Variants in TG observed in about 807,000 individuals in gnomAD.
TG encodes the protein thyroid hormones.
TG carries 270 observed loss-of-function variants against 324.7 expected under a neutral mutation model. That is an observed-to-expected ratio of 0.83 (90% CI 0.75 to 0.92). The LOEUF (loss-of-function observed/expected upper bound fraction) is 0.92, where lower values mean the gene tolerates loss of function less well. TG is among the 40% of genes least tolerant of loss of function. The pLI is 0.00. For missense variants in TG, 3,591 were observed against 3,456.4 expected (o/e 1.04, Z -0.98); for synonymous variants, 1,401 against 1,327.0 (o/e 1.06, Z -1.21).
chr8:132,867,788 C>T (rs369441733), intron 1 of TG, among the ~76,000 whole-genome samples: 37 of 101,472 alleles, frequency 3.6e-4, no homozygotes, highest in South Asian at 1.5e-3. Flanking sequence ...AGGGTGGGGG[C>T]GGGCGGGGAA....
intron 32 of TG, among the ~76,000 whole-genome samples, chr8:132,971,431 C>G (rs1829507957): frequency 6.6e-6 from 1 of 152,126 alleles, no homozygotes; most frequent in African/African-American, 2.4e-5. Flanking sequence ...TTTATTTTCC[C>G]AGTGTCCAAA....
chr8:132,887,186 C>T lies in TG; in HGVS notation c.1814C>T (p.Ser605Phe). The change falls in exon 9 of 48, where the codon TCC becomes TTC. Residue 605 changes from serine (S) to phenylalanine (F), a missense_variant. Physicochemically the swap from Ser to Phe is radical, Grantham distance 155. Transcript: ENST00000220616. The part of the protein sequence containing the change: ...LGDVMETVLS[S>F]QTCEQTPERL... ...GATGTGATGGAAACGGTACTCAGCT[C>T]CCAGACCTGTGAGCAGACACCTGAA... The T allele has an allele frequency of 6.2e-7, 1 of 1,613,762 alleles. No homozygotes were observed. The highest frequency in any genetic ancestry group is 8.5e-7 in the Non-Finnish European group (1 of 1,179,742).
At chr8:133,048,176 C>T (rs1232686178) in intron 41 of TG, among the ~76,000 whole-genome samples, 1 of 152,140 alleles carries the variant, frequency 6.6e-6, no homozygotes, top group Non-Finnish European at 1.5e-5. Context: ...TCTGGGACAT[C>T]CAATTCCATA....
At chr8:132,933,750 C>T (rs966318551) in intron 24 of TG, 74 bp downstream of exon 24, 3 of 1,328,148 alleles carry the variant, frequency 2.3e-6, no homozygotes, top group African/African-American at 1.4e-5. Flanking sequence ...GAGCGGGCAG[C>T]AGGCTGGCCA....
chr8:133,111,621 G>A (rs1850253067), intron 43 of TG, among the ~76,000 whole-genome samples: 1 of 152,192 alleles, frequency 6.6e-6, no homozygotes, highest in Non-Finnish European at 1.5e-5. Context: ...ACTCTCAGAT[G>A]CGTTGTAGAT....
At chr8:133,046,276 A>G (rs1440744049) in intron 41 of TG, among the ~76,000 whole-genome samples, 3 of 152,234 alleles carry the variant, frequency 2.0e-5, no homozygotes, top group East Asian at 3.9e-4. Context: ...TGAAATCTCT[A>G]TTAATTCTCA....
chr8:133,105,940 G>C (rs1014727339), intron 43 of TG, among the ~76,000 whole-genome samples: 1 of 152,164 alleles, frequency 6.6e-6, no homozygotes, highest in African/African-American at 2.4e-5. Flanking sequence ...ATGGCCATAT[G>C]GTAAAGAGGC....
chr8:132,917,889 A>ATTTTTTTTTTT (rs71299038), intron 20 of TG, among the ~76,000 whole-genome samples: 641 of 138,752 alleles, frequency 4.6e-3, no homozygotes, highest in Middle Eastern at 0.012. Flanking sequence ...GGTTTTTGCA[A>ATTTTTTTTTTT]TTTTTTTTTT....
intron 15 of TG, 148 bp from the exon 16 acceptor site, chr8:132,901,205 C>T: frequency 1.2e-6 from 1 of 837,450 alleles, no homozygotes; most frequent in South Asian, 1.5e-5. Flanking sequence ...GTCATTCAAC[C>T]TCCTGGTGGG....
intron 41 of TG, chr8:133,063,648 C>G (rs1313709015): frequency 6.6e-6 from 1 of 152,200 alleles, no homozygotes; most frequent in Non-Finnish European, 1.5e-5. Context: ...TAACAGTCTT[C>G]TCTGCTGTTG....
Position 132,967,596 on chromosome 8 carries a change from A to G in TG, c.5687-198A>G, listed in dbSNP as rs964391759. Among the ~76,000 whole-genome samples the G allele has an allele frequency of 3.3e-5, 5 of 152,170 alleles. No homozygotes were observed. The East Asian group carries it at 9.7e-4, about 29-fold the overall frequency. ...CAACTCTGCCTTTATTCAGGAGCAC[A>G]CGGCCCCCTCCCCAGCTAGCAGAAC... is the stretch of plus-strand genomic sequence containing the variant. On this transcript the variant is annotated intron_variant, in intron 30 of 47. Coordinates refer to ENST00000220616, the MANE Select transcript of TG (RefSeq NM_003235.5).
At chr8:133,057,797 A>C (rs1841734105) in intron 41 of TG, among the ~76,000 whole-genome samples, 1 of 151,968 alleles carries the variant, frequency 6.6e-6, no homozygotes, top group Admixed American at 6.6e-5. Context: ...ACAAAAAAAC[A>C]GATGGGTAAA....
At chr8:132,979,167 C>T (rs951452) in intron 34 of TG, among the ~76,000 whole-genome samples, 91,526 of 151,876 alleles carry the variant, frequency 0.6, 28,868 homozygotes, top group African/African-American at 0.74. Flanking sequence ...GAATAAGGGG[C>T]TGCTCTGTGG....
chr8:132,957,648 G>A (rs952477553), intron 27 of TG, among the ~76,000 whole-genome samples: 1 of 151,622 alleles, frequency 6.6e-6, no homozygotes, highest in African/African-American at 2.4e-5. Context: ...TAAGGATTAC[G>A]GCTCTTAGGA....
intron 5 of TG, among the ~76,000 whole-genome samples, chr8:132,875,151 CA>C (rs1839844564): frequency 6.6e-6 from 1 of 152,184 alleles, no homozygotes; most frequent in African/African-American, 2.4e-5. Context: ...TGCAAATTTA[CA>C]AAGTTGTAAA....
intron 27 of TG, among the ~76,000 whole-genome samples, chr8:132,958,043 G>A (rs1587572099): frequency 6.6e-6 from 1 of 152,138 alleles, no homozygotes; most frequent in Non-Finnish European, 1.5e-5. Context: ...CTGATGTTTG[G>A]TTTTTCATCC....
chr8:133,089,347 G>C (rs1413710542), intron 41 of TG, among the ~76,000 whole-genome samples: 1 of 152,208 alleles, frequency 6.6e-6, no homozygotes, highest in Non-Finnish European at 1.5e-5. Context: ...AGGAGGTATT[G>C]ATGCTCCATC....
chr8:132,989,660 C>T (rs1177875986), intron 35 of TG, among the ~76,000 whole-genome samples: 6 of 152,238 alleles, frequency 3.9e-5, no homozygotes, highest in African/African-American at 1.4e-4. Context: ...GAAAAGGAAT[C>T]AACTTTGTCT....
chr8:133,001,327 A>G (rs971439188), intron 35 of TG, among the ~76,000 whole-genome samples: 1 of 152,096 alleles, frequency 6.6e-6, no homozygotes, highest in African/African-American at 2.4e-5. Flanking sequence ...GCTCAACAGT[A>G]GGTATTTGGA....
Sources: allele counts gnomAD v4.1 joint callset (sites outside exome capture counted in the v4.1 genomes callset), GRCh38; gene constraint gnomAD v4.1.1; transcripts MANE v1.5; gene names NCBI Gene and HGNC (gene_info 2026-07-23, HGNC 2026-07-21).